The following SNX13 variants were observed in gnomAD, a reference collection of about 807,000 sequenced individuals.
SNX13 encodes the protein sorting nexin-13.
In SNX13, 45 loss-of-function variants were observed where a neutral mutation model predicts 133.6. That is an observed-to-expected ratio of 0.34 (90% CI 0.27 to 0.43). SNX13 has a LOEUF of 0.43. SNX13 is among the 20% of genes least tolerant of loss of function. The pLI, the probability that SNX13 is intolerant of heterozygous loss-of-function variation, is 1.00. For missense variants in SNX13, 1,032 were observed against 1,145.1 expected, an observed-to-expected ratio of 0.90 and a Z score of 1.43; for synonymous variants, 414 against 373.9, an observed-to-expected ratio of 1.11 and a Z score of -1.24.
At chr7:17,831,605 A>G in intron 15 of SNX13, 2 of 984,168 alleles carry the variant, frequency 2.0e-6, no homozygotes, top group Non-Finnish European at 2.4e-6. Flanking sequence ...ATATGATATG[A>G]CTTGGTCCTT....
intron 1 of SNX13, among the ~76,000 whole-genome samples, chr7:17,912,272 C>G (rs1198333911): frequency 6.6e-6 from 1 of 152,124 alleles, no homozygotes; most frequent in Admixed American, 6.5e-5. Flanking sequence ...CACTGGGGAT[C>G]TGTGCAACCC....
At chr7:17,807,583 G>A (rs1306345432) in intron 20 of SNX13, among the ~76,000 whole-genome samples, 7 of 152,220 alleles carry the variant, frequency 4.6e-5, no homozygotes, top group Admixed American at 2.6e-4. Context: ...TGAAGAGAGA[G>A]GCAGATCTCC....
intron 20 of SNX13, among the ~76,000 whole-genome samples, chr7:17,810,192 TG>T (rs1455337490): frequency 6.6e-6 from 1 of 152,054 alleles, no homozygotes; most frequent in Non-Finnish European, 1.5e-5. Context: ...CTGGTTTTTT[TG>T]AAAAGATCAA....
intron 5 of SNX13, among the ~76,000 whole-genome samples, chr7:17,877,045 GAAAA>G (rs57618763): frequency 5.4e-3 from 327 of 60,010 alleles, no homozygotes; most frequent in African/African-American, 0.014. Flanking sequence ...GTTACTTTTT[GAAAA>G]AAAAAAAAAA....
At position 17,841,015 on chromosome 7, in the gene SNX13, C is replaced by T. The variant is rs188239212; in HGVS notation, c.1166-1015G>A. On this transcript the variant is annotated intron_variant, in intron 12 of 25. Coordinates refer to ENST00000428135, the MANE Select transcript of SNX13 (RefSeq NM_015132.5). Reference sequence around the variant, plus strand: ...ACTCTCAGACTACTAGAACAAGTAGCTGTGCATGCACTCCAGAATTAGCTT... The same window carrying T: ...ACTCTCAGACTACTAGAACAAGTAGTTGTGCATGCACTCCAGAATTAGCTT... Among the ~76,000 whole-genome samples the T allele has an allele frequency of 3.0e-4, 45 of 152,190 alleles. 1 individual carries two copies. The highest frequency in any genetic ancestry group is 2.7e-3 in the Admixed American group (41 of 15,258).
Position 17,875,479 on chromosome 7 carries a change from C to A in SNX13, c.664+1G>T. 2 of 1,599,786 alleles carry A rather than the reference C, an allele frequency of 1.3e-6. No individual in the cohort carries two copies. Among genetic ancestry groups the A allele is most frequent in the Non-Finnish European group, 1.7e-6 (2 of 1,175,862 alleles). ...TCAAAAAAGTTAAATTAAAAGAAAA[C>A]CTTCTTCATCTTTGGGGGAAGTGCA... is the stretch of plus-strand genomic sequence containing the variant. On this transcript the variant is annotated splice_donor_variant, in intron 7 of 25. Transcript: ENST00000428135. LOFTEE classifies it high-confidence loss of function.
At position 17,811,158 on chromosome 7, in the gene SNX13, C is replaced by T. The variant is rs142672357; in HGVS notation, c.2064+3676G>A. Among the ~76,000 whole-genome samples the T allele has an allele frequency of 9.7e-3, 1,479 of 152,152 alleles. 30 individuals carry two copies. The highest frequency in any genetic ancestry group is 0.034 in the African/African-American group (1,409 of 41,492). ...TGGAAGGATGTCTGGCCTGGACAAT[C>T]GGGCAAGAGAAAGAAAGAAAAGATA... On this transcript the variant is annotated intron_variant, in intron 20 of 25. Transcript: ENST00000428135.
In SNX13 at chr7:17,907,039, T is replaced by A. The variant is rs1411121432; in HGVS notation, c.13-9593A>T. The stretch of plus-strand genomic sequence containing the variant: ...TGTTCTTGGGGCGAAACACCAAGTA[T>A]TTTTTGTATTGTGTTTATAATTTTG... On this transcript the variant is annotated intron_variant, in intron 1 of 25. Transcript: ENST00000428135. Among the ~76,000 whole-genome samples the A allele has an allele frequency of 1.3e-5, 2 of 152,188 alleles. 1 individual carries two copies.
intron 16 of SNX13, among the ~76,000 whole-genome samples, chr7:17,829,304 T>C (rs768540354): frequency 1.1e-4 from 17 of 151,606 alleles, no homozygotes; most frequent in Admixed American, 2.6e-4. Context: ...GAAACCTTCA[T>C]AGAACGCTAA....
At chr7:17,861,994 T>C (rs796224977) in intron 9 of SNX13, among the ~76,000 whole-genome samples, 8 of 152,376 alleles carry the variant, frequency 5.3e-5, no homozygotes, top group African/African-American at 1.4e-4. Flanking sequence ...GTGAGGTTTC[T>C]GCAGAACCAT....
chr7:17,937,985 T>C (rs1802304846), intron 1 of SNX13, among the ~76,000 whole-genome samples: 1 of 152,188 alleles, frequency 6.6e-6, no homozygotes, highest in Non-Finnish European at 1.5e-5. Context: ...AGACCTAACA[T>C]GAATTAAATC....
At chr7:17,815,054 AT>A in intron 19 of SNX13, 110 bp from the exon 20 acceptor site, 1 of 1,161,342 alleles carries the variant, frequency 8.6e-7, no homozygotes, top group Non-Finnish European at 1.1e-6. Flanking sequence ...ATAGTAAAAA[AT>A]ATTGATTTAT....
At chr7:17,830,772 C>T (rs1788400392) in intron 15 of SNX13, 1 of 981,698 alleles carries the variant, frequency 1.0e-6, no homozygotes, top group South Asian at 4.7e-5. Flanking sequence ...TTATTAAACA[C>T]ACAAACAAAT....
Position 17,830,852 on chromosome 7 carries a change from T to G in SNX13, c.1598-805A>C, listed in dbSNP as rs2128308803. On this transcript the variant is annotated intron_variant, in intron 15 of 25. Transcript: ENST00000428135. The stretch of plus-strand genomic sequence containing the variant: ...AGCACTTAAGAGGTTATATATGAAT[T>G]TGGTTCTCTAAATGGGTCTTCAAAA... The G allele has an allele frequency of 6.1e-6, 6 of 984,272 alleles. No homozygotes were observed. The South Asian group carries it at 2.3e-4, about 39-fold the overall frequency. The allele number at this position is 984,272 out of a possible 1,614,324, so 61.0% of individuals were successfully genotyped here.
At position 17,799,005 on chromosome 7, in the gene SNX13, C is replaced by A; in HGVS notation, c.2444+4G>T. 2 of 1,606,262 alleles carry A rather than the reference C, an allele frequency of 1.2e-6. No homozygotes were observed. ...GATTAAAAGCGAGGAGGAAAGAGTG[C>A]TACCTATTAATAGTATCGCCATATG... On this transcript the variant is annotated splice_donor_region_variant and intron_variant, in intron 23 of 25. Coordinates refer to ENST00000428135, the MANE Select transcript of SNX13 (RefSeq NM_015132.5).
chr7:17,807,178 C>T (rs1457770551), intron 20 of SNX13, among the ~76,000 whole-genome samples: 1 of 152,104 alleles, frequency 6.6e-6, no homozygotes, highest in Non-Finnish European at 1.5e-5. Flanking sequence ...CCCACCCCCA[C>T]GGAGCCCAGC....
At chr7:17,868,721 G>C (rs547039012) in intron 8 of SNX13, among the ~76,000 whole-genome samples, 1 of 152,142 alleles carries the variant, frequency 6.6e-6, no homozygotes, top group Admixed American at 6.5e-5. Context: ...AACAACTGTG[G>C]AGTGAAATAA....
rs1390638387 is a variant in SNX13, at chr7:17,834,782, G to A, written c.1443C>T (p.Ile481=). Residue 481 remains isoleucine (I), a synonymous_variant, in exon 14 of 26, where the codon ATC becomes ATT. Coordinates refer to ENST00000428135, the MANE Select transcript of SNX13 (RefSeq NM_015132.5). ...ATACCTTTCTTTGAATGTCATCAAA[G>A]ATTTCAGGGGTTGGATCTTCATGAT... The part of the protein sequence containing the change: ...TLNHEDPTPE[I]FDDIQRKVYE... 2 of 1,606,242 alleles carry A rather than the reference G, an allele frequency of 1.2e-6. No individual in the cohort carries two copies. The highest frequency in any genetic ancestry group is 1.7e-6 in the Non-Finnish European group (2 of 1,174,226).
chr7:17,925,165 T>G (rs1022724091), intron 1 of SNX13, among the ~76,000 whole-genome samples: 1 of 152,078 alleles, frequency 6.6e-6, no homozygotes, highest in Non-Finnish European at 1.5e-5. Flanking sequence ...AGTGAGCCGA[T>G]ATCATGCCAC....
Sources: allele counts gnomAD v4.1 joint callset (sites outside exome capture counted in the v4.1 genomes callset), GRCh38; gene constraint gnomAD v4.1.1; transcripts MANE v1.5; gene names NCBI Gene and HGNC (gene_info 2026-07-23, HGNC 2026-07-21).